ACSF2: variants seen among roughly 807,000 people sequenced by gnomAD.
The protein encoded by ACSF2 is medium-chain acyl-CoA ligase ACSF2, mitochondrial.
A neutral mutation model predicts 79.3 loss-of-function variants in ACSF2; 52 were observed. That is an observed-to-expected ratio of 0.66 (90% CI 0.53 to 0.83). ACSF2 has a LOEUF of 0.83. Among genes scored for constraint, ACSF2 ranks in the 40% least tolerant of loss-of-function variants. The pLI is 0.00. For synonymous variants in ACSF2, 283 were observed against 312.6 expected (o/e 0.91, Z 1.00); for missense variants, 661 against 803.3 (o/e 0.82, Z 2.14).
intron 10 of ACSF2, chr17:50,470,218 C>T (rs779927482): frequency 8.5e-4 from 130 of 152,258 alleles, no homozygotes; most frequent in Non-Finnish European, 1.7e-3. Flanking sequence ...TTACCCAGTA[C>T]CCTCGTGTTG....
intron 1 of ACSF2, among the ~76,000 whole-genome samples, chr17:50,455,516 G>A (rs758010193): frequency 4.6e-5 from 7 of 152,170 alleles, no homozygotes; most frequent in Non-Finnish European, 7.3e-5. Flanking sequence ...CTGGACCTCT[G>A]AGAAGGTACA....
intron 1 of ACSF2, among the ~76,000 whole-genome samples, chr17:50,431,853 C>A (rs2029955981): frequency 6.6e-6 from 1 of 152,134 alleles, no homozygotes; most frequent in African/African-American, 2.4e-5. Flanking sequence ...TCAAATGAAC[C>A]ACTTTCTAGC....
intron 1 of ACSF2, among the ~76,000 whole-genome samples, chr17:50,447,657 G>T (rs892260003): frequency 6.6e-6 from 1 of 152,094 alleles, no homozygotes; most frequent in Non-Finnish European, 1.5e-5. Context: ...CTTAAAGCGG[G>T]GAGAATAAGA....
rs189826586 is a variant in ACSF2, at chr17:50,456,667, G to A, written c.129-4010G>A. Among the ~76,000 whole-genome samples, 381 of 152,134 alleles carry A rather than the reference G, an allele frequency of 2.5e-3. 1 individual carries two copies. The highest frequency in any genetic ancestry group is 8.8e-3 in the African/African-American group (364 of 41,490). On this transcript the variant is annotated intron_variant, in intron 1 of 15. Coordinates refer to ENST00000300441, the MANE Select transcript of ACSF2 (RefSeq NM_025149.6). ...GAATCGTTTGAACCCAGGAGGCGGA[G>A]GTTGTGGTGAGCCGAGATCACGCCA...
chr17:50,458,620 CTT>C (rs2032155865), intron 1 of ACSF2, among the ~76,000 whole-genome samples: 3 of 152,200 alleles, frequency 2.0e-5, no homozygotes, highest in Admixed American at 2.0e-4. Context: ...GCACTCCTGT[CTT>C]TCCCACCAGA....
intron 1 of ACSF2, among the ~76,000 whole-genome samples, chr17:50,455,076 G>T (rs754457277): frequency 2.0e-5 from 3 of 152,136 alleles, no homozygotes; most frequent in Non-Finnish European, 4.4e-5. Flanking sequence ...TCCGCCTCCC[G>T]GATTCAAGAG....
rs760601624 is a variant in ACSF2 at position 50,463,387 on chromosome 17, A to T, written c.889-8A>T. On this transcript the variant is annotated splice_polypyrimidine_tract_variant and splice_region_variant and intron_variant, in intron 7 of 15. Coordinates refer to ENST00000300441, the MANE Select transcript of ACSF2 (RefSeq NM_025149.6). This position sits in a 1 kb window ranked among gnomAD's most constrained non-coding sequence, Gnocchi z 4.6. Reference sequence around the variant, plus strand: ...AAGACAGACCCAGCCTCCTGTCTCCATCACCAGACACCAGAGCAGTTGCGG... The same window carrying T: ...AAGACAGACCCAGCCTCCTGTCTCCTTCACCAGACACCAGAGCAGTTGCGG... 15 of 1,613,542 alleles carry T rather than the reference A, an allele frequency of 9.3e-6. No homozygotes were observed. The East Asian group carries it at 3.1e-4, about 34-fold the overall frequency.
intron 1 of ACSF2, among the ~76,000 whole-genome samples, chr17:50,453,530 A>G (rs1358348618): frequency 1.3e-5 from 2 of 152,148 alleles, no homozygotes; most frequent in East Asian, 3.9e-4. Context: ...TTCTAGGATT[A>G]TATTAGTGTG....
rs929494711 is a variant in ACSF2, at chr17:50,473,574, A to G, written c.1476-91A>G. ...CAGAGTCTAGAGCAGTGGAAGACACATAGTAGCTGGTCAATAAATGTTTCA... is the reference window on the plus strand; with the variant it reads ...CAGAGTCTAGAGCAGTGGAAGACACGTAGTAGCTGGTCAATAAATGTTTCA... On this transcript the variant is annotated intron_variant, in intron 12 of 15. Transcript: ENST00000300441. The G allele has an allele frequency of 2.7e-5, 43 of 1,569,992 alleles. No individual in the cohort carries two copies. The African/African-American group carries it at 4.9e-4, about 18-fold the overall frequency.
chr17:50,452,893 C>T (rs1272925641), intron 1 of ACSF2, among the ~76,000 whole-genome samples: 1 of 152,168 alleles, frequency 6.6e-6, no homozygotes, highest in African/African-American at 2.4e-5. Flanking sequence ...CTCAACCCTG[C>T]CCTACCCTGG....
chr17:50,437,270 G>A (rs1256593049), intron 1 of ACSF2, among the ~76,000 whole-genome samples: 1 of 152,256 alleles, frequency 6.6e-6, no homozygotes, highest in Non-Finnish European at 1.5e-5. Context: ...ACACAAGAGT[G>A]AATATGTTGA....
intron 1 of ACSF2, among the ~76,000 whole-genome samples, chr17:50,438,076 C>T (rs1441044953): frequency 6.6e-6 from 1 of 152,148 alleles, no homozygotes; most frequent in Non-Finnish European, 1.5e-5. Context: ...CAGTTGTCCC[C>T]CAGTATCTAT....
intron 9 of ACSF2, 112 bp downstream of exon 9, chr17:50,464,021 C>T (rs957199769): frequency 4.1e-5 from 27 of 654,236 alleles, no homozygotes; most frequent in Admixed American, 1.3e-4. Context: ...GCAAGAAGGA[C>T]GCTGTAAAAA....
chr17:50,468,697 G>A (rs1409677467), intron 10 of ACSF2: 1 of 1,613,576 alleles, frequency 6.2e-7, no homozygotes. Context: ...GCCCCACCTT[G>A]TCGCAGATGA....
rs746800710 is a variant in ACSF2 at position 50,460,667 on chromosome 17, C to T, written c.129-10C>T. The T allele has an allele frequency of 6.2e-7, 1 of 1,606,516 alleles. No individual in the cohort carries two copies. The highest frequency in any genetic ancestry group is 8.5e-7 in the Non-Finnish European group (1 of 1,175,748). On this transcript the variant is annotated splice_polypyrimidine_tract_variant and intron_variant, in intron 1 of 15. Transcript: ENST00000300441. ...TGGGACAGTCAAACCCATAGCTCCT[C>T]TCCCTACAGTTCCAGAGAGGTGGAT... is the stretch of plus-strand genomic sequence containing the variant.
At chr17:50,451,017 C>T (rs191498233) in intron 1 of ACSF2, among the ~76,000 whole-genome samples, 281 of 152,230 alleles carry the variant, frequency 1.8e-3, no homozygotes, top group African/African-American at 6.4e-3. Context: ...GCTGTAGCCT[C>T]GACCTCTCAG....
Position 50,461,703 on chromosome 17 carries a change from G to C in ACSF2, c.507+17G>C. On this transcript the variant is annotated intron_variant, in intron 4 of 15. Transcript: ENST00000300441. ...CTCAAGAAGGTACAGCTCATTTGTC[G>C]GGGAGGGGCCCGGCTGGGGCCTGGC... is the stretch of plus-strand genomic sequence containing the variant. The C allele has an allele frequency of 6.2e-7, 1 of 1,614,012 alleles. No individual in the cohort carries two copies. Among genetic ancestry groups the C allele is most frequent in the Non-Finnish European group, 8.5e-7 (1 of 1,179,962 alleles).
intron 10 of ACSF2, chr17:50,467,994 G>A: frequency 6.6e-7 from 1 of 1,518,978 alleles, no homozygotes; most frequent in Middle Eastern, 1.8e-4. Flanking sequence ...GGGGCCTCCA[G>A]GAAGGGAAGA....
In ACSF2 at chr17:50,471,494, G is replaced by A; in HGVS notation, c.1323+359G>A. 3 of 289,238 alleles carry A rather than the reference G, an allele frequency of 1.0e-5. No individual in the cohort carries two copies. In the South Asian group the frequency reaches 1.4e-4, roughly 13 times the overall value. The allele number at this position is 289,238 out of a possible 1,614,324, so 17.9% of individuals were successfully genotyped here. Reference sequence around the variant, plus strand: ...CCTACACAGCTTCTTTTCCTCCAGTGGTGCTCGCCTCTCGCTTTAGCAGAG... The same window carrying A: ...CCTACACAGCTTCTTTTCCTCCAGTAGTGCTCGCCTCTCGCTTTAGCAGAG... On this transcript the variant is annotated intron_variant, in intron 11 of 15. Transcript: ENST00000300441. The surrounding 1 kb of genome is among the most constrained non-coding windows in gnomAD (Gnocchi z 4.1).
Sources: gnomAD v4.1 joint callset for allele counts (sites outside exome capture counted in the v4.1 genomes callset) on GRCh38, gnomAD v4.1.1 for gene constraint, Gnocchi (gnomAD v3.1) non-coding constraint, MANE v1.5 for transcripts, NCBI Gene and HGNC (gene_info 2026-07-23, HGNC 2026-07-21) for gene names.